Variants in PDE1A observed in about 807,000 individuals in gnomAD.
PDE1A encodes the protein dual specificity calcium/calmodulin-dependent 3',5'-cyclic nucleotide phosphodiesterase 1A.
In PDE1A, 35 loss-of-function variants were observed where a neutral mutation model predicts 61.7. The ratio of observed to expected loss-of-function variants is 0.57; its 90% CI spans 0.43 to 0.75. The LOEUF (loss-of-function observed/expected upper bound fraction) is 0.75. Among genes scored for constraint, PDE1A ranks in the 30% least tolerant of loss-of-function variants. The pLI is 0.00. For missense variants in PDE1A, 597 were observed against 630.6 expected (o/e 0.95, Z 0.57); for synonymous variants, 232 against 213.2 (o/e 1.09, Z -0.77).
At chr2:182,367,191 AT>A (rs552291643) in intron 1 of PDE1A, among the ~76,000 whole-genome samples, 2 of 152,022 alleles carry the variant, frequency 1.3e-5, no homozygotes, top group African/African-American at 2.4e-5. Context: ...TATGGAAAAG[AT>A]TTTTTTAAAA....
intron 1 of PDE1A, among the ~76,000 whole-genome samples, chr2:182,351,945 A>G (rs1278152094): frequency 1.3e-5 from 2 of 152,220 alleles, no homozygotes; most frequent in African/African-American, 2.4e-5. Context: ...CCAAAAATGT[A>G]TAAGAAATAT....
chr2:182,348,376 T>C (rs1345130197), intron 1 of PDE1A, among the ~76,000 whole-genome samples: 2 of 152,112 alleles, frequency 1.3e-5, no homozygotes, highest in South Asian at 2.1e-4. Context: ...AATGGGGCCA[T>C]TGAACATGTA....
Position 182,511,827 on chromosome 2 carries a change from C to G in PDE1A, c.101+10449G>C, listed in dbSNP as rs148110492. Among the ~76,000 whole-genome samples the G allele has an allele frequency of 8.5e-4, 129 of 152,320 alleles. 2 individuals are homozygous for G. The East Asian group carries it at 0.021, about 24-fold the overall frequency. On this transcript the variant is annotated intron_variant, in intron 2 of 14. Transcript: ENST00000410103. ...GGGTGCTTCCCAGTGGACACTACCA[C>G]AGCTCCTTCACCAACAGACCCTGTC...
the PDE1A span, among the ~76,000 whole-genome samples, chr2:182,628,054 G>GCACACACA: frequency 9.9e-5 from 15 of 150,774 alleles, no homozygotes; most frequent in African/African-American, 3.6e-4. Context: ...GTGTATGTGT[G>GCACACACA]CACACACACA....
At chr2:182,662,340 A>AC in the PDE1A span, among the ~76,000 whole-genome samples, 33 of 73,102 alleles carry the variant, frequency 4.5e-4, no homozygotes, top group Middle Eastern at 8.6e-3. Flanking sequence ...GAAAAAAAAA[A>AC]GAAAAAAAAA....
the PDE1A span, among the ~76,000 whole-genome samples, chr2:182,588,603 C>T: frequency 6.6e-6 from 1 of 152,096 alleles, no homozygotes; most frequent in Non-Finnish European, 1.5e-5. Context: ...TAAAAAGTAT[C>T]TCATCCTTTC....
intron 2 of PDE1A, among the ~76,000 whole-genome samples, chr2:182,514,512 A>G (rs1690015510): frequency 6.6e-6 from 1 of 152,066 alleles, no homozygotes; most frequent in Middle Eastern, 3.2e-3. Context: ...GAGAACCCCA[A>G]AATAAAGTTA....
chr2:182,218,208 G>T (rs1045542728), intron 7 of PDE1A, among the ~76,000 whole-genome samples: 1 of 145,222 alleles, frequency 6.9e-6, no homozygotes, highest in African/African-American at 2.6e-5. Context: ...TCATAGGTGG[G>T]AATTGAACAA....
At chr2:182,537,856 T>C in the PDE1A span, among the ~76,000 whole-genome samples, 9 of 151,962 alleles carry the variant, frequency 5.9e-5, no homozygotes, top group Non-Finnish European at 8.8e-5. Context: ...TACAGAGCCT[T>C]GGAGGCCCCT....
chr2:182,357,532 T>A (rs1699264830), intron 1 of PDE1A, among the ~76,000 whole-genome samples: 1 of 152,186 alleles, frequency 6.6e-6, no homozygotes, highest in East Asian at 1.9e-4. Flanking sequence ...GAGCTGTACT[T>A]GGTTATTTTA....
At chr2:182,531,206 C>T in the PDE1A span, among the ~76,000 whole-genome samples, 1 of 150,312 alleles carries the variant, frequency 6.7e-6, no homozygotes, top group Non-Finnish European at 1.5e-5. Flanking sequence ...GATAGGAAGA[C>T]AAAAGAAAGA....
the PDE1A span, among the ~76,000 whole-genome samples, chr2:182,602,962 C>T: frequency 2.0e-5 from 3 of 150,984 alleles, no homozygotes; most frequent in Non-Finnish European, 2.9e-5. Flanking sequence ...AGCTGACACT[C>T]GGGTTGCCCT....
intron 2 of PDE1A, among the ~76,000 whole-genome samples, chr2:182,461,318 C>T (rs1686273456): frequency 1.3e-5 from 2 of 152,096 alleles, no homozygotes; most frequent in East Asian, 3.9e-4. Context: ...ATACTGTCAA[C>T]TAAATTGTTT....
chr2:182,673,360 A>G, the PDE1A span, among the ~76,000 whole-genome samples: 46 of 152,204 alleles, frequency 3.0e-4, no homozygotes, highest in East Asian at 1.9e-4. Context: ...TTGAAAGACA[A>G]TGTTCCATGG....
At chr2:182,568,256 T>C in the PDE1A span, among the ~76,000 whole-genome samples, 1 of 152,320 alleles carries the variant, frequency 6.6e-6, no homozygotes, top group East Asian at 1.9e-4. Context: ...TTTACATTTA[T>C]AAACTTAAGA....
downstream of PDE1A, among the ~76,000 whole-genome samples, chr2:182,166,493 G>C (rs1241670523): frequency 1.3e-5 from 2 of 152,200 alleles, no homozygotes; most frequent in East Asian, 3.9e-4. Flanking sequence ...ACAGCCTCCC[G>C]GGAAGGGGGT....
chr2:182,465,651 A>AGTTTTTG (rs1686610835), intron 2 of PDE1A, among the ~76,000 whole-genome samples: 3 of 152,126 alleles, frequency 2.0e-5, no homozygotes, highest in African/African-American at 7.2e-5. Flanking sequence ...GATGCAGTTT[A>AGTTTTTG]AAGCAATAAT....
intron 7 of PDE1A, among the ~76,000 whole-genome samples, chr2:182,218,985 G>C (rs904839270): frequency 6.6e-5 from 10 of 152,012 alleles, no homozygotes; most frequent in Admixed American, 4.6e-4. Context: ...AAACCCCTTT[G>C]TACCCATTCA....
chr2:182,356,516 G>A (rs922033894), intron 1 of PDE1A, among the ~76,000 whole-genome samples: 4 of 152,030 alleles, frequency 2.6e-5, no homozygotes, highest in African/African-American at 7.2e-5. Flanking sequence ...TTGGGAGCCC[G>A]AAGCAGGCGG....
Sources: allele counts gnomAD v4.1 joint callset (sites outside exome capture counted in the v4.1 genomes callset), GRCh38; gene constraint gnomAD v4.1.1; transcripts MANE v1.5; gene names NCBI Gene and HGNC (gene_info 2026-07-23, HGNC 2026-07-21).